BTAF1: variants seen among roughly 807,000 people sequenced by gnomAD.
The protein encoded by BTAF1 is TATA-binding protein-associated factor 172.
In BTAF1, 38 loss-of-function variants were observed where a neutral mutation model predicts 227.1. That is an observed-to-expected ratio of 0.17 (90% CI 0.13 to 0.22). BTAF1 has a LOEUF of 0.22. Among genes scored for constraint, BTAF1 ranks in the 10% least tolerant of loss-of-function variants. The probability of loss-of-function intolerance (pLI) is 1.00; values close to 1 mark genes in which losing one functional copy is unlikely to be tolerated. For missense variants in BTAF1, 1,598 were observed against 2,204.0 expected (o/e 0.73, Z 5.51); for synonymous variants, 742 against 751.9 (o/e 0.99, Z 0.21).
At chr10:92,010,315 T>C (rs1297866390) in intron 28 of BTAF1, among the ~76,000 whole-genome samples, 1 of 152,208 alleles carries the variant, frequency 6.6e-6, no homozygotes, top group Non-Finnish European at 1.5e-5. Flanking sequence ...TAGAATTCAT[T>C]CATTTGTAAG....
chr10:91,978,543 TTC>T (rs1847847951), intron 14 of BTAF1, among the ~76,000 whole-genome samples: 2 of 152,184 alleles, frequency 1.3e-5, no homozygotes, highest in South Asian at 4.1e-4. Context: ...CCCTTTCTCT[TTC>T]TCTTTGTCTA....
At chr10:91,926,298 T>G (rs1179910634) in intron 1 of BTAF1, among the ~76,000 whole-genome samples, 1 of 152,226 alleles carries the variant, frequency 6.6e-6, no homozygotes, top group Non-Finnish European at 1.5e-5. Context: ...TTATTTCATA[T>G]GCATAACTGA....
intron 33 of BTAF1, 123 bp from the exon 34 acceptor site, chr10:92,018,660 G>A (rs1469427010): frequency 3.5e-6 from 3 of 849,878 alleles, no homozygotes; most frequent in East Asian, 2.9e-5. Context: ...GAAGTTTGCC[G>A]AGCAAGAAGA....
intron 8 of BTAF1, among the ~76,000 whole-genome samples, chr10:91,958,481 C>T (rs552235021): frequency 2.6e-5 from 4 of 151,980 alleles, no homozygotes; most frequent in South Asian, 4.1e-4. Flanking sequence ...GCGGACAGAT[C>T]GCTTCAGGTC....
chr10:91,946,076 T>C, intron 4 of BTAF1, among the ~76,000 whole-genome samples: 1 of 152,210 alleles, frequency 6.6e-6, no homozygotes, highest in Middle Eastern at 3.2e-3. Flanking sequence ...TGATGGACAT[T>C]TGGGTTGTTT....
At chr10:91,996,906 A>G (rs1224466440) in intron 24 of BTAF1, among the ~76,000 whole-genome samples, 3 of 152,180 alleles carry the variant, frequency 2.0e-5, no homozygotes, top group African/African-American at 7.2e-5. Context: ...TGTCTTATTA[A>G]TCAGGTATTC....
intron 26 of BTAF1, 56 bp downstream of exon 26, chr10:92,008,331 G>T (rs1256890245): frequency 7.1e-7 from 1 of 1,417,424 alleles, no homozygotes; most frequent in Admixed American, 2.8e-5. Flanking sequence ...AGCGTTGTGG[G>T]TTTGTTGGGG....
chr10:92,028,695 A>C, intron 37 of BTAF1, 95 bp from the exon 38 acceptor site: 1 of 1,225,490 alleles, frequency 8.2e-7, no homozygotes, highest in Non-Finnish European at 1.1e-6. Flanking sequence ...CTGTTGAATA[A>C]TTGTATTAGA....
At chr10:92,022,372 ACT>A (rs1353574581) in intron 34 of BTAF1, among the ~76,000 whole-genome samples, 1 of 151,826 alleles carries the variant, frequency 6.6e-6, no homozygotes, top group Non-Finnish European at 1.5e-5. Context: ...ATAAAATTTC[ACT>A]CTCTGGAACT....
chr10:91,927,781 G>GT (rs1342132842), intron 1 of BTAF1, among the ~76,000 whole-genome samples: 2 of 152,098 alleles, frequency 1.3e-5, no homozygotes, highest in Non-Finnish European at 2.9e-5. Flanking sequence ...ATACTAATTT[G>GT]TTTTTTGCTG....
At chr10:92,018,102 A>G (rs929034975) in intron 33 of BTAF1, among the ~76,000 whole-genome samples, 1 of 152,002 alleles carries the variant, frequency 6.6e-6, no homozygotes, top group Admixed American at 6.5e-5. Context: ...TTTTTTTTTA[A>G]AGACTGAGTC....
intron 14 of BTAF1, among the ~76,000 whole-genome samples, chr10:91,976,184 ACAAC>A (rs1431194982): frequency 3.3e-5 from 5 of 152,194 alleles, no homozygotes; most frequent in African/African-American, 1.2e-4. Flanking sequence ...TATAAAGGAC[ACAAC>A]TTAGGAACAG....
intron 26 of BTAF1, 58 bp from the exon 27 acceptor site, chr10:92,008,771 T>A: frequency 6.9e-7 from 1 of 1,450,586 alleles, no homozygotes; most frequent in Non-Finnish European, 9.2e-7. Flanking sequence ...AGAAAATGTT[T>A]TTATAAGAAA....
chr10:92,026,548 G>A (rs770716080), intron 35 of BTAF1, 44 bp from the exon 36 acceptor site: 15 of 1,481,536 alleles, frequency 1.0e-5, no homozygotes, highest in Non-Finnish European at 1.3e-5. Context: ...TTCTGTTATA[G>A]GACTTAAGAA....
intron 32 of BTAF1, 29 bp downstream of exon 32, chr10:92,014,058 G>C: frequency 6.3e-7 from 1 of 1,595,846 alleles, no homozygotes; most frequent in Non-Finnish European, 8.5e-7. Context: ...ATCATTGTTA[G>C]TGGTATGTTT....
chr10:91,935,525 A>G (rs1844549346), intron 1 of BTAF1, 132 bp from the exon 2 acceptor site: 2 of 922,122 alleles, frequency 2.2e-6, no homozygotes, highest in Admixed American at 2.9e-5. Context: ...TTTCACCATA[A>G]TGTCTTTCCG....
At chr10:91,991,110 G>C (rs943658220) in intron 20 of BTAF1, among the ~76,000 whole-genome samples, 1 of 151,324 alleles carries the variant, frequency 6.6e-6, no homozygotes, top group Non-Finnish European at 1.5e-5. Flanking sequence ...GCCGGGCATG[G>C]TGGCAGGCAC....
chr10:91,937,139 C>T (rs548806847), intron 2 of BTAF1, among the ~76,000 whole-genome samples: 6 of 151,778 alleles, frequency 4.0e-5, no homozygotes, highest in South Asian at 2.1e-4. Flanking sequence ...AGACTACAGG[C>T]GTGCACCACC....
In BTAF1 at chr10:91,992,172, A is replaced by G. The variant is rs1848836455; in HGVS notation, c.2908A>G (p.Ile970Val). ...MHHTVTKHRG[I>V]ITLYRHQKAA... ...CCATACTGTCACCAAGCACAGAGGT[A>G]TAATTACACTCTACAGGCACCAGAA... Residue 970 changes from isoleucine (I) to valine (V), a missense_variant, in exon 21 of 38, where the codon ATA becomes GTA. This residue lies in a region of BTAF1 where 425 missense variants were observed against 491.2 expected (regional missense o/e 0.87). Coordinates refer to ENST00000265990, the MANE Select transcript of BTAF1 (RefSeq NM_003972.3). 6.2e-7 allele frequency: 1 copy of G among 1,613,732 alleles called. No homozygotes were observed. Among genetic ancestry groups the G allele is most frequent in the Admixed American group, 1.7e-5 (1 of 59,942 alleles).
Sources: gnomAD v4.1 joint callset for allele counts (sites outside exome capture counted in the v4.1 genomes callset) on GRCh38, gnomAD v4.1.1 for gene constraint, gnomAD v4.1.1 regional missense constraint, MANE v1.5 for transcripts, NCBI Gene and HGNC (gene_info 2026-07-23, HGNC 2026-07-21) for gene names.